STK10: variants seen among roughly 807,000 people sequenced by gnomAD.
STK10 encodes the protein serine/threonine-protein kinase 10.
Under a neutral mutation model 113.8 loss-of-function variants are expected in STK10, and 78 were observed. The observed-to-expected ratio is 0.69, with a 90% CI of 0.57 to 0.83. The LOEUF (loss-of-function observed/expected upper bound fraction) is 0.83, where lower values mean the gene tolerates loss of function less well. STK10 is among the 40% of genes least tolerant of loss of function. The probability of loss-of-function intolerance (pLI) is 0.00; values close to 1 mark genes in which losing one functional copy is unlikely to be tolerated. For missense variants in STK10, 1,109 were observed against 1,280.1 expected (o/e 0.87, Z 2.04); for synonymous variants, 465 against 494.7 (o/e 0.94, Z 0.80).
In STK10 at chr5:172,120,633, G is replaced by A. The variant is rs1242750911; in HGVS notation, c.371-3003C>T. Among the ~76,000 whole-genome samples, 2 of 152,164 alleles carry A rather than the reference G, an allele frequency of 1.3e-5. No homozygotes were observed. The highest frequency in any genetic ancestry group is 4.8e-5 in the African/African-American group (2 of 41,434). ...TCTCTGGCCCTTCATTTCCTGGTCTGTGAAATGGGATGATTATAATCGACA... is the reference window on the plus strand; with the variant it reads ...TCTCTGGCCCTTCATTTCCTGGTCTATGAAATGGGATGATTATAATCGACA... On this transcript the variant is annotated intron_variant, in intron 3 of 18. Transcript: ENST00000176763. This position sits in a 1 kb window ranked among gnomAD's most constrained non-coding sequence, Gnocchi z 4.0.
chr5:172,117,720 G>A, intron 3 of STK10, 90 bp from the exon 4 acceptor site: 1 of 1,552,728 alleles, frequency 6.4e-7, no homozygotes, highest in Non-Finnish European at 8.7e-7. Flanking sequence ...AAATATAAAA[G>A]CCACCAACAT....
chr5:172,106,974 C>T (rs1198312423), intron 5 of STK10, 160 bp from the exon 6 acceptor site: 13 of 660,456 alleles, frequency 2.0e-5, no homozygotes, highest in South Asian at 1.1e-4. Context: ...CCTTAGGACG[C>T]TCTTCCACAG....
intron 3 of STK10, 30 bp from the exon 4 acceptor site, chr5:172,117,660 CAGTA>C: frequency 6.2e-7 from 1 of 1,613,144 alleles, no homozygotes; most frequent in Non-Finnish European, 8.5e-7. Flanking sequence ...GCTGTCAATT[CAGTA>C]AGCCCTGGAC....
intron 1 of STK10, among the ~76,000 whole-genome samples, chr5:172,164,759 G>A (rs555267836): frequency 1.3e-5 from 2 of 152,306 alleles, no homozygotes; most frequent in South Asian, 4.1e-4. Flanking sequence ...AAGTAGATGA[G>A]GCCCACGTGG....
intron 13 of STK10, 124 bp downstream of exon 13, chr5:172,064,596 G>A: frequency 1.0e-6 from 1 of 982,202 alleles, no homozygotes; most frequent in Non-Finnish European, 1.6e-6. Context: ...GATGAGGCCA[G>A]ATTTAGGTAT....
intron 12 of STK10, among the ~76,000 whole-genome samples, chr5:172,075,999 C>A (rs1426668123): frequency 6.6e-6 from 1 of 151,592 alleles, no homozygotes; most frequent in Non-Finnish European, 1.5e-5. Flanking sequence ...TCTCTTCTTT[C>A]AATTCTTGGA....
Position 172,185,787 on chromosome 5 carries a change from C to A in STK10, c.156+2100G>T, listed in dbSNP as rs188866140. On this transcript the variant is annotated intron_variant, in intron 1 of 18. Coordinates refer to ENST00000176763, the MANE Select transcript of STK10 (RefSeq NM_005990.4). ...CTCTGGTGCCACCAGGAAGAAGATG[C>A]AGCTCTGAGGAGAGTAAAGAAAAGA... Among the ~76,000 whole-genome samples, 1,409 of 152,304 alleles carry A rather than the reference C, an allele frequency of 9.3e-3. 28 individuals carry two copies. Among genetic ancestry groups the A allele is most frequent in the South Asian group, 8.5e-3 (41 of 4,826 alleles).
At chr5:172,138,363 C>T (rs1490184787) in intron 2 of STK10, among the ~76,000 whole-genome samples, 1 of 152,094 alleles carries the variant, frequency 6.6e-6, no homozygotes, top group East Asian at 1.9e-4. Flanking sequence ...ACCTTGTGAT[C>T]CGCCCACCTT....
intron 2 of STK10, among the ~76,000 whole-genome samples, chr5:172,136,565 C>T (rs999426123): frequency 6.6e-6 from 1 of 152,034 alleles, no homozygotes; most frequent in African/African-American, 2.4e-5. Flanking sequence ...CCACTGCACT[C>T]CAGCCTGGGC....
chr5:172,126,764 C>T (rs1769630253), intron 3 of STK10, among the ~76,000 whole-genome samples: 2 of 152,180 alleles, frequency 1.3e-5, no homozygotes. Context: ...ACTGTCCCCA[C>T]AGAGCATTTA....
Position 172,182,976 on chromosome 5 carries a change from G to A in STK10, c.156+4911C>T, listed in dbSNP as rs1405394380. Among the ~76,000 whole-genome samples the A allele has an allele frequency of 2.6e-5, 4 of 152,086 alleles. No individual in the cohort carries two copies. In the East Asian group the frequency reaches 5.8e-4, roughly 22 times the overall value. On this transcript the variant is annotated intron_variant, in intron 1 of 18. Transcript: ENST00000176763. ...AATCCCAGCACTTTGGATGGCTGAGGCAGGAGGATCACTTGAGCCTAGGAG... is the reference window on the plus strand; with the variant it reads ...AATCCCAGCACTTTGGATGGCTGAGACAGGAGGATCACTTGAGCCTAGGAG...
intron 13 of STK10, among the ~76,000 whole-genome samples, chr5:172,061,920 G>A (rs1259630719): frequency 6.6e-6 from 1 of 152,000 alleles, no homozygotes; most frequent in Non-Finnish European, 1.5e-5. Context: ...TGATATTACT[G>A]AGATTAGGTG....
chr5:172,111,632 C>T (rs1769239889), intron 4 of STK10, among the ~76,000 whole-genome samples: 2 of 152,194 alleles, frequency 1.3e-5, no homozygotes, highest in African/African-American at 2.4e-5. Flanking sequence ...ACCATGCAGT[C>T]TCTTCTGATG....
At chr5:172,090,432 A>T in intron 9 of STK10, 70 bp from the exon 10 acceptor site, 1 of 1,570,018 alleles carries the variant, frequency 6.4e-7, no homozygotes, top group African/African-American at 1.4e-5. Context: ...GCAGCAGGTG[A>T]GGCCACAGCT....
intron 2 of STK10, among the ~76,000 whole-genome samples, chr5:172,128,561 C>T (rs965863422): frequency 6.6e-6 from 1 of 152,156 alleles, no homozygotes; most frequent in Admixed American, 6.5e-5. Flanking sequence ...AAACATCTGA[C>T]CTCAGGTGAT....
At chr5:172,051,587 C>T (rs1212637973) in intron 18 of STK10, among the ~76,000 whole-genome samples, 1 of 152,112 alleles carries the variant, frequency 6.6e-6, no homozygotes, top group Non-Finnish European at 1.5e-5. Context: ...ATGGCACCAC[C>T]GCACTCCAGC....
At chr5:172,129,250 C>T (rs908290043) in intron 2 of STK10, among the ~76,000 whole-genome samples, 4 of 152,194 alleles carry the variant, frequency 2.6e-5, no homozygotes, top group African/African-American at 9.6e-5. Flanking sequence ...TACTAGGTTC[C>T]AGGGGTAGCA....
chr5:172,177,621 G>T (rs978377453), intron 1 of STK10, among the ~76,000 whole-genome samples: 2 of 152,152 alleles, frequency 1.3e-5, no homozygotes, highest in African/African-American at 4.8e-5. Flanking sequence ...CAAAGACTTC[G>T]CATGAAAAAG....
intron 12 of STK10, 150 bp from the exon 13 acceptor site, chr5:172,064,962 C>A (rs1225689525): frequency 2.6e-6 from 2 of 771,162 alleles, no homozygotes; most frequent in South Asian, 1.7e-5. Context: ...CCCCACCAAG[C>A]CCCTCTGAGC....
Sources: gnomAD v4.1 joint callset for allele counts (sites outside exome capture counted in the v4.1 genomes callset) on GRCh38, gnomAD v4.1.1 for gene constraint, Gnocchi (gnomAD v3.1) non-coding constraint, MANE v1.5 for transcripts, NCBI Gene and HGNC (gene_info 2026-07-23, HGNC 2026-07-21) for gene names.